The following CDK5RAP2 variants were observed in gnomAD, a reference collection of about 807,000 sequenced individuals.
The protein encoded by CDK5RAP2 is CDK5 regulatory subunit-associated protein 2.
In CDK5RAP2, 147 loss-of-function variants were observed where a neutral mutation model predicts 232.9. That is an observed-to-expected ratio of 0.63 (90% CI 0.55 to 0.72). The LOEUF is 0.72. CDK5RAP2 is among the 30% of genes least tolerant of loss of function. The probability of loss-of-function intolerance (pLI) is 0.00; values close to 1 mark genes in which losing one functional copy is unlikely to be tolerated. For synonymous variants in CDK5RAP2, 833 were observed against 833.7 expected (o/e 1.00, Z 0.01); for missense variants, 2,195 against 2,231.5 (o/e 0.98, Z 0.33).
intron 19 of CDK5RAP2, among the ~76,000 whole-genome samples, chr9:120,459,223 G>A (rs751644789): frequency 1.1e-4 from 16 of 152,070 alleles, no homozygotes; most frequent in Admixed American, 4.6e-4. Context: ...GTTATTTACC[G>A]ATCCACCTTC....
intron 34 of CDK5RAP2, 86 bp downstream of exon 34, chr9:120,402,720 G>A (rs2033129445): frequency 6.7e-7 from 1 of 1,497,904 alleles, no homozygotes; most frequent in East Asian, 2.3e-5. Context: ...TCCTAATGAG[G>A]ACAACTGCGC....
At chr9:120,530,482 T>C (rs1367233722) in intron 7 of CDK5RAP2, among the ~76,000 whole-genome samples, 1 of 152,184 alleles carries the variant, frequency 6.6e-6, no homozygotes, top group African/African-American at 2.4e-5. Flanking sequence ...GATATGTCAC[T>C]GAAACCTAAG....
chr9:120,536,723 A>G, intron 6 of CDK5RAP2, 197 bp from the exon 7 acceptor site: 1 of 669,748 alleles, frequency 1.5e-6, no homozygotes, highest in Non-Finnish European at 2.7e-6. Context: ...CTGAAGCATA[A>G]CAGGCATTTC....
chr9:120,389,241 AGCC>A lies in CDK5RAP2; in HGVS notation c.5674_5676del (p.Gly1892del). The A allele has an allele frequency of 6.2e-7, 1 of 1,612,610 alleles. No homozygotes were observed. Among genetic ancestry groups the A allele is most frequent in the Non-Finnish European group, 8.5e-7 (1 of 1,179,304 alleles). On this transcript the variant is annotated inframe_deletion, in exon 38 of 38. Coordinates refer to ENST00000349780, the MANE Select transcript of CDK5RAP2 (RefSeq NM_018249.6). ...TTATTGGCTGAAAGTTCTTCTCAGGAGCCTGGTCTGCTGGGACTGCATGTTCCT... is the reference window on the plus strand; with the variant it reads ...TTATTGGCTGAAAGTTCTTCTCAGGATGGTCTGCTGGGACTGCATGTTCCT...
At chr9:120,469,387 C>T (rs567913999) in intron 17 of CDK5RAP2, among the ~76,000 whole-genome samples, 1 of 152,326 alleles carries the variant, frequency 6.6e-6, no homozygotes, top group Non-Finnish European at 1.5e-5. Flanking sequence ...ATACAGCAAC[C>T]TTGCACCTCA....
At chr9:120,451,415 G>T (rs906296784) in intron 21 of CDK5RAP2, among the ~76,000 whole-genome samples, 3 of 152,152 alleles carry the variant, frequency 2.0e-5, no homozygotes, top group Non-Finnish European at 4.4e-5. Context: ...CTAAACAATT[G>T]AAAGGATACT....
At chr9:120,516,067 G>A (rs994868827) in intron 12 of CDK5RAP2, among the ~76,000 whole-genome samples, 2 of 152,062 alleles carry the variant, frequency 1.3e-5, no homozygotes, top group Non-Finnish European at 2.9e-5. Context: ...ACATGCACAC[G>A]TATGTTTATT....
chr9:120,554,509 T>C lies in CDK5RAP2; in HGVS notation c.196-3607A>G, dbSNP rs138189410. On this transcript the variant is annotated intron_variant, in intron 3 of 37. Transcript: ENST00000349780. ...TCTCTTTCATGATGCAACCTAGACA[T>C]GCTACTTCTTTGAGCCTCAGTTTCC... Among the ~76,000 whole-genome samples, 8 of 152,350 alleles carry C rather than the reference T, an allele frequency of 5.3e-5. No individual in the cohort carries two copies. In the East Asian group the frequency reaches 1.3e-3, roughly 26 times the overall value.
chr9:120,527,760 T>C, intron 10 of CDK5RAP2, 46 bp downstream of exon 10: 2 of 1,606,948 alleles, frequency 1.2e-6, no homozygotes, highest in Non-Finnish European at 1.7e-6. Flanking sequence ...AGGCCAGTCA[T>C]AGAAGCTAAT....
At chr9:120,572,547 T>C (rs1170238917) in intron 1 of CDK5RAP2, among the ~76,000 whole-genome samples, 1 of 152,224 alleles carries the variant, frequency 6.6e-6, no homozygotes, top group Non-Finnish European at 1.5e-5. Context: ...GTTTTAAGAA[T>C]GTCAAACAAT....
Position 120,402,916 on chromosome 9 carries a change from C to T in CDK5RAP2, c.5197G>A (p.Asp1733Asn), listed in dbSNP as rs748090910. The T allele has an allele frequency of 6.8e-6, 11 of 1,614,148 alleles. No individual in the cohort carries two copies. The highest frequency in any genetic ancestry group is 9.3e-6 in the Non-Finnish European group (11 of 1,180,030). ...ATCTGTTTGAGCAGGGCCTCATAGT[C>T]CTCAATCAGGCCCAGGACATGGCGG... ...NGRHVLGLIE[D>N]YEALLKQISQ... The change falls in exon 34 of 38, where the codon GAC (aspartate) becomes AAC (asparagine). Residue 1733 changes from aspartate (D) to asparagine (N), a missense_variant. Asp to Asn is a conservative substitution (Grantham distance 23). Coordinates refer to ENST00000349780, the MANE Select transcript of CDK5RAP2 (RefSeq NM_018249.6).
intron 3 of CDK5RAP2, among the ~76,000 whole-genome samples, chr9:120,554,809 C>G (rs2042165935): frequency 2.0e-5 from 3 of 151,936 alleles, no homozygotes; most frequent in South Asian, 2.1e-4. Context: ...AATTTTTGTA[C>G]TTTTAGTAGA....
chr9:120,476,606 G>C (rs1477845390), intron 15 of CDK5RAP2, among the ~76,000 whole-genome samples: 5 of 151,742 alleles, frequency 3.3e-5, no homozygotes, highest in African/African-American at 1.2e-4. Flanking sequence ...TTGAACCCGG[G>C]AGGCGGAGGT....
chr9:120,411,280 G>T, intron 29 of CDK5RAP2, 78 bp downstream of exon 29: 2 of 890,158 alleles, frequency 2.2e-6, no homozygotes, highest in South Asian at 1.3e-5. Flanking sequence ...AGGTTGGTCA[G>T]ACTCCAATGC....
At chr9:120,513,527 T>C (rs1172481040) in intron 12 of CDK5RAP2, among the ~76,000 whole-genome samples, 2 of 152,168 alleles carry the variant, frequency 1.3e-5, no homozygotes. Context: ...CTCTCCCACC[T>C]CTAAACCTTA....
chr9:120,509,426 T>G (rs1235432742), intron 12 of CDK5RAP2, among the ~76,000 whole-genome samples: 2 of 152,204 alleles, frequency 1.3e-5, no homozygotes, highest in Non-Finnish European at 2.9e-5. Context: ...GGTAGGCATT[T>G]TCTCACACAT....
chr9:120,390,233 C>T (rs1468712556), intron 36 of CDK5RAP2: 4 of 174,176 alleles, frequency 2.3e-5, no homozygotes, highest in Non-Finnish European at 1.3e-5. Flanking sequence ...GACTGTGCCC[C>T]GATCAGGCAG....
At chr9:120,419,512 A>T (rs2034439776) in intron 27 of CDK5RAP2, among the ~76,000 whole-genome samples, 1 of 152,228 alleles carries the variant, frequency 6.6e-6, no homozygotes, top group Admixed American at 6.5e-5. Context: ...CTGACATACA[A>T]GTTCAATGAC....
intron 4 of CDK5RAP2, 136 bp from the exon 5 acceptor site, chr9:120,545,926 C>G: frequency 1.4e-6 from 1 of 715,962 alleles, no homozygotes; most frequent in Non-Finnish European, 2.5e-6. Flanking sequence ...TCCAAAAACC[C>G]TCATTAGCCT....
Sources: gnomAD v4.1 joint callset for allele counts (sites outside exome capture counted in the v4.1 genomes callset) on GRCh38, gnomAD v4.1.1 for gene constraint, MANE v1.5 for transcripts, NCBI Gene and HGNC (gene_info 2026-07-23, HGNC 2026-07-21) for gene names.